DUSP29: variants seen among roughly 807,000 people sequenced by gnomAD.
DUSP29 encodes the protein atypical dual-specific protein phosphatase.
Under a neutral mutation model 13.5 loss-of-function variants are expected in DUSP29, and 12 were observed. That is an observed-to-expected ratio of 0.89 (90% CI 0.57 to 1.44). The LOEUF (loss-of-function observed/expected upper bound fraction) is 1.44. Ranked by LOEUF, DUSP29 falls within the 40% of genes most tolerant of loss-of-function variation. The pLI, the probability that DUSP29 is intolerant of heterozygous loss-of-function variation, is 0.00. For missense variants in DUSP29, 308 were observed against 301.1 expected (o/e 1.02, Z -0.17); for synonymous variants, 134 against 128.7 (o/e 1.04, Z -0.28).
chr10:75,045,394 G>T (rs1418569329), intron 2 of DUSP29, among the ~76,000 whole-genome samples: 1 of 152,116 alleles, frequency 6.6e-6, no homozygotes, highest in Non-Finnish European at 1.5e-5. Flanking sequence ...GGTTAGTGAA[G>T]TTCCCTCAGG....
rs566736481 is a variant in DUSP29 at position 75,054,110 on chromosome 10, G to A, written c.200+4205C>T. ...GGAGGAAGCTAGCTTCATGGCAGAA[G>A]TGACTTGAATGGACTTTGAAGAATG... On this transcript the variant is annotated intron_variant, in intron 2 of 3. Coordinates refer to ENST00000338487, the MANE Select transcript of DUSP29 (RefSeq NM_001003892.3). Among the ~76,000 whole-genome samples, 15 of 152,314 alleles carry A rather than the reference G, an allele frequency of 9.8e-5. 1 individual carries two copies. In the East Asian group the frequency reaches 2.9e-3, roughly 29 times the overall value.
chr10:75,049,792 C>T (rs917896239), intron 2 of DUSP29, among the ~76,000 whole-genome samples: 1 of 151,992 alleles, frequency 6.6e-6, no homozygotes, highest in Admixed American at 6.5e-5. Flanking sequence ...AGGCTCTCAA[C>T]GCCAGGCCAG....
At chr10:75,062,656 G>A (rs768379800) in intron 1 of DUSP29, among the ~76,000 whole-genome samples, 8 of 152,174 alleles carry the variant, frequency 5.3e-5, no homozygotes, top group Non-Finnish European at 1.0e-4. Context: ...TCCTGAAGGC[G>A]GCCTGTGTGC....
chr10:75,059,544 T>C (rs1847043105), intron 1 of DUSP29, among the ~76,000 whole-genome samples: 1 of 152,206 alleles, frequency 6.6e-6, no homozygotes, highest in Non-Finnish European at 1.5e-5. Context: ...CATTTAATCT[T>C]AACAACACTG....
At chr10:75,055,220 CT>C (rs771862316) in intron 2 of DUSP29, among the ~76,000 whole-genome samples, 116 of 145,180 alleles carry the variant, frequency 8.0e-4, no homozygotes, top group Admixed American at 8.3e-4. Flanking sequence ...TCAGTCCCTC[CT>C]TTTTTTTTTT....
intron 2 of DUSP29, among the ~76,000 whole-genome samples, chr10:75,056,212 A>G (rs377261204): frequency 6.6e-6 from 1 of 151,942 alleles, no homozygotes; most frequent in Non-Finnish European, 1.5e-5. Flanking sequence ...CACCCAGCCT[A>G]TGATTCATTT....
chr10:75,050,689 C>A (rs945901005), intron 2 of DUSP29, among the ~76,000 whole-genome samples: 2 of 152,254 alleles, frequency 1.3e-5, no homozygotes, highest in Admixed American at 1.3e-4. Context: ...CTCCGCTCCA[C>A]GCTGAGCCTG....
intron 2 of DUSP29, among the ~76,000 whole-genome samples, chr10:75,051,940 A>G (rs1488987637): frequency 6.6e-6 from 1 of 152,220 alleles, no homozygotes; most frequent in Non-Finnish European, 1.5e-5. Context: ...GTGTCACAGA[A>G]ATCAGGGACA....
chr10:75,071,998 TGGA>T (rs1217802405), intron 1 of DUSP29, among the ~76,000 whole-genome samples: 7 of 152,206 alleles, frequency 4.6e-5, no homozygotes, highest in Non-Finnish European at 8.8e-5. Flanking sequence ...CCAGAGCGGT[TGGA>T]GGAGAAGAGT....
Position 75,043,912 on chromosome 10 carries a change from G to A in DUSP29, c.306C>T (p.Arg102=). ...WNVDTGPDYY[R]DMDIQYHGVE... is the part of the protein sequence containing the mutation. Reference sequence around the variant, plus strand: ...CGCCGTGGTACTGGATGTCCATGTCGCGGTAGTAGTCGGGCCCAGTGTCCA... The same window carrying A: ...CGCCGTGGTACTGGATGTCCATGTCACGGTAGTAGTCGGGCCCAGTGTCCA... Residue 102 remains arginine (R), a synonymous_variant, in exon 3 of 4, where the codon CGC becomes CGT. Transcript: ENST00000338487. 6.2e-7 allele frequency: 1 copy of A among 1,613,996 alleles called. No homozygotes were observed. The highest frequency in any genetic ancestry group is 1.1e-5 in the South Asian group (1 of 91,076).
intron 3 of DUSP29, among the ~76,000 whole-genome samples, chr10:75,042,826 C>G (rs1357588282): frequency 6.6e-6 from 1 of 152,212 alleles, no homozygotes; most frequent in Admixed American, 6.5e-5. Flanking sequence ...AACCAGATAC[C>G]CTGAATTATG....
intron 3 of DUSP29, among the ~76,000 whole-genome samples, chr10:75,040,750 G>A (rs1223629837): frequency 6.6e-6 from 1 of 152,202 alleles, no homozygotes; most frequent in African/African-American, 2.4e-5. Flanking sequence ...CACCTCACTT[G>A]TCTTCTCTGG....
At chr10:75,055,531 T>C (rs1846940915) in intron 2 of DUSP29, among the ~76,000 whole-genome samples, 1 of 152,160 alleles carries the variant, frequency 6.6e-6, no homozygotes, top group Non-Finnish European at 1.5e-5. Flanking sequence ...TGTCTGGGAA[T>C]CAGTAAATCT....
At chr10:75,070,988 C>G (rs555743473) in intron 1 of DUSP29, among the ~76,000 whole-genome samples, 33 of 152,330 alleles carry the variant, frequency 2.2e-4, no homozygotes, top group African/African-American at 7.7e-4. Context: ...TGTTTCCAGG[C>G]CGGGCCTCCC....
At chr10:75,052,189 C>T (rs1169379785) in intron 2 of DUSP29, among the ~76,000 whole-genome samples, 5 of 152,062 alleles carry the variant, frequency 3.3e-5, no homozygotes, top group African/African-American at 1.2e-4. Context: ...CTCAGACACT[C>T]AATGGTTTTC....
At chr10:75,052,713 A>C (rs545583019) in intron 2 of DUSP29, among the ~76,000 whole-genome samples, 2 of 152,310 alleles carry the variant, frequency 1.3e-5, no homozygotes, top group South Asian at 2.1e-4. Flanking sequence ...CGGCCTCCCA[A>C]AGTGTTGAGA....
At chr10:75,043,293 T>C (rs532963912) in intron 3 of DUSP29, among the ~76,000 whole-genome samples, 4 of 152,136 alleles carry the variant, frequency 2.6e-5, no homozygotes, top group Admixed American at 1.3e-4. Context: ...CCCTGAGGGT[T>C]TTCTGGCATC....
chr10:75,058,353 GTGGGTGTAC>G lies in DUSP29; in HGVS notation c.153_161del (p.Gln51_Thr53del). On this transcript the variant is annotated inframe_deletion, in exon 2 of 4. Transcript: ENST00000338487. The stretch of plus-strand genomic sequence containing the variant: ...AGAGCTTGGGCCAGACCTCGTTGAC[GTGGGTGTAC>G]TGGGGACTGCCCTTCCAGAAGAGCC... The G allele has an allele frequency of 6.2e-7, 1 of 1,614,184 alleles. No individual in the cohort carries two copies. The highest frequency in any genetic ancestry group is 8.5e-7 in the Non-Finnish European group (1 of 1,180,024).
At chr10:75,066,517 G>A (rs1052263853) in intron 1 of DUSP29, among the ~76,000 whole-genome samples, 1 of 152,084 alleles carries the variant, frequency 6.6e-6, no homozygotes, top group Non-Finnish European at 1.5e-5. Context: ...CTACATGCTC[G>A]TTTTAGGGTG....
Sources: allele counts gnomAD v4.1 joint callset (sites outside exome capture counted in the v4.1 genomes callset), GRCh38; gene constraint gnomAD v4.1.1; transcripts MANE v1.5; gene names NCBI Gene and HGNC (gene_info 2026-07-23, HGNC 2026-07-21).